Variants in SLC26A7 observed in about 807,000 individuals in gnomAD.
The protein encoded by SLC26A7 is anion exchange transporter.
Under a neutral mutation model 82.5 loss-of-function variants are expected in SLC26A7, and 59 were observed. The ratio of observed to expected loss-of-function variants is 0.72; its 90% CI spans 0.58 to 0.89. The LOEUF is 0.89. Ranked by LOEUF, SLC26A7 falls within the 40% of genes least tolerant of loss-of-function variation. SLC26A7 has a pLI of 0.00. For missense variants in SLC26A7, 820 were observed against 793.0 expected, an observed-to-expected ratio of 1.03 and a Z score of -0.41; for synonymous variants, 271 against 274.3, an observed-to-expected ratio of 0.99 and a Z score of 0.12.
intron 2 of SLC26A7, among the ~76,000 whole-genome samples, chr8:91,256,376 A>T (rs182370066): frequency 2.1e-4 from 32 of 152,194 alleles, no homozygotes; most frequent in Admixed American, 5.9e-4. Flanking sequence ...CTGATTCAAG[A>T]ATAAGGTCTG....
chr8:91,379,895 T>A (rs924307604), intron 15 of SLC26A7, among the ~76,000 whole-genome samples: 3 of 151,986 alleles, frequency 2.0e-5, no homozygotes, highest in African/African-American at 4.8e-5. Context: ...ATGTAACTTA[T>A]AAAATGCAGA....
intron 2 of SLC26A7, among the ~76,000 whole-genome samples, chr8:91,284,086 A>G (rs937087319): frequency 2.0e-5 from 3 of 152,240 alleles, no homozygotes; most frequent in African/African-American, 4.8e-5. Flanking sequence ...ATAGATACAT[A>G]TAGATAGAAA....
At chr8:91,390,321 G>A (rs1363087276) in intron 16 of SLC26A7, among the ~76,000 whole-genome samples, 2 of 152,080 alleles carry the variant, frequency 1.3e-5, no homozygotes, top group East Asian at 3.9e-4. Context: ...GTTTCACCAT[G>A]CTATCCAGGA....
intron 4 of SLC26A7, among the ~76,000 whole-genome samples, chr8:91,299,055 A>G (rs1020047085): frequency 2.0e-5 from 3 of 152,142 alleles, no homozygotes; most frequent in Non-Finnish European, 4.4e-5. Context: ...GAGTTTCTTT[A>G]ATTATGAGTG....
intron 14 of SLC26A7, among the ~76,000 whole-genome samples, chr8:91,369,050 A>G (rs1814280699): frequency 6.6e-6 from 1 of 152,184 alleles, no homozygotes; most frequent in South Asian, 2.1e-4. Flanking sequence ...GGCTGGGAAC[A>G]AGAGGCTTGG....
At position 91,303,928 on chromosome 8, in the gene SLC26A7, A is replaced by G. The variant is rs768165039; in HGVS notation, c.477+8225A>G. On this transcript the variant is annotated intron_variant, in intron 4 of 18. Coordinates refer to ENST00000276609, the MANE Select transcript of SLC26A7 (RefSeq NM_052832.4). Reference sequence around the variant, plus strand: ...TGTTTCACTGTTTTACAACCATTACAGCAGAAAGTCATTACTCTGTTTAAT... The same window carrying G: ...TGTTTCACTGTTTTACAACCATTACGGCAGAAAGTCATTACTCTGTTTAAT... 3.3e-5 allele frequency among the ~76,000 whole-genome samples: 5 copies of G among 152,338 alleles called. No individual in the cohort carries two copies. In the South Asian group the frequency reaches 1.0e-3, roughly 32 times the overall value.
intron 2 of SLC26A7, among the ~76,000 whole-genome samples, chr8:91,236,929 A>G (rs1316669108): frequency 6.6e-6 from 1 of 152,224 alleles, no homozygotes; most frequent in Non-Finnish European, 1.5e-5. Context: ...CTTACTCTGT[A>G]ACAACATTTG....
chr8:91,242,673 C>T (rs751129428), intron 2 of SLC26A7, among the ~76,000 whole-genome samples: 9 of 152,162 alleles, frequency 5.9e-5, no homozygotes, highest in Non-Finnish European at 1.2e-4. Context: ...CAGTGGCCAT[C>T]TGCAAGCCAG....
chr8:91,246,014 T>C (rs1271026764), upstream of SLC26A7, among the ~76,000 whole-genome samples: 1 of 152,184 alleles, frequency 6.6e-6, no homozygotes, highest in Admixed American at 6.5e-5. Context: ...AATAACTGTG[T>C]TGAAAAAAGA....
chr8:91,222,858 T>C (rs1000144351), intron 2 of SLC26A7, among the ~76,000 whole-genome samples: 2 of 152,206 alleles, frequency 1.3e-5, no homozygotes. Flanking sequence ...CTTCATAAAA[T>C]GAGCGAGGAG....
At chr8:91,249,499 C>G (rs1211140152) in intron 1 of SLC26A7, 40 bp from the exon 2 acceptor site, 2 of 469,404 alleles carry the variant, frequency 4.3e-6, no homozygotes, top group Non-Finnish European at 7.2e-6. Context: ...CTGTTAATCT[C>G]TCTCTCTCTC....
intron 4 of SLC26A7, among the ~76,000 whole-genome samples, chr8:91,300,539 A>G (rs1464736465): frequency 1.3e-5 from 2 of 151,074 alleles, no homozygotes; most frequent in Admixed American, 1.3e-4. Flanking sequence ...CTGGGACTAC[A>G]GGCGCCCGCC....
chr8:91,225,643 G>GTTTTTTTTTTTTTTT (rs55732709), intron 2 of SLC26A7, among the ~76,000 whole-genome samples: 1 of 36,120 alleles, frequency 2.8e-5, no homozygotes, highest in Non-Finnish European at 4.5e-5. Flanking sequence ...CTAGAAAAGT[G>GTTTTTTTTTTTTTTT]TTTTTTTTTT....
intron 15 of SLC26A7, 22 bp from the exon 16 acceptor site, chr8:91,389,316 C>CAAGT: frequency 6.3e-7 from 1 of 1,583,616 alleles, no homozygotes. Flanking sequence ...CTCCCTAACT[C>CAAGT]AAGTCTCTGT....
At chr8:91,271,150 G>A (rs559239578) in intron 2 of SLC26A7, among the ~76,000 whole-genome samples, 3 of 152,082 alleles carry the variant, frequency 2.0e-5, no homozygotes, top group Admixed American at 6.5e-5. Context: ...TTTCTCACTG[G>A]AGCCTACCCC....
At chr8:91,233,657 A>G (rs1397754617) in intron 2 of SLC26A7, among the ~76,000 whole-genome samples, 2 of 152,180 alleles carry the variant, frequency 1.3e-5, no homozygotes, top group African/African-American at 2.4e-5. Context: ...CCTTTCAGAC[A>G]AATATGTTCT....
chr8:91,255,182 T>A (rs1810767639), intron 2 of SLC26A7, among the ~76,000 whole-genome samples: 1 of 151,730 alleles, frequency 6.6e-6, no homozygotes, highest in East Asian at 1.9e-4. Context: ...TCACCTAGAC[T>A]TTTTTTTTCC....
Position 91,343,442 on chromosome 8 carries a change from G to T in SLC26A7, c.1116G>T (p.Leu372=). 6.2e-7 allele frequency: 1 copy of T among 1,612,288 alleles called. No homozygotes were observed. Among genetic ancestry groups the T allele is most frequent in the Non-Finnish European group, 8.5e-7 (1 of 1,179,794 alleles). ...SAAAMGRTAG[L]YSTGAKTQVA... ...CTGCCATGGGAAGGACGGCTGGCCT[G>T]TACAGCACAGGAGCGAAGACACAGG... Residue 372 remains leucine (L), a synonymous_variant, in exon 9 of 19, where the codon CTG becomes CTT. Coordinates refer to ENST00000276609, the MANE Select transcript of SLC26A7 (RefSeq NM_052832.4).
chr8:91,239,464 G>T (rs889175556), intron 2 of SLC26A7, among the ~76,000 whole-genome samples: 6 of 147,584 alleles, frequency 4.1e-5, no homozygotes, highest in African/African-American at 1.5e-4. Flanking sequence ...GTATATATAT[G>T]TGTATATATG....
Sources: gnomAD v4.1 joint callset for allele counts (sites outside exome capture counted in the v4.1 genomes callset) on GRCh38, gnomAD v4.1.1 for gene constraint, MANE v1.5 for transcripts, NCBI Gene and HGNC (gene_info 2026-07-23, HGNC 2026-07-21) for gene names.